The following PHACTR2 variants were observed in gnomAD, a reference collection of about 807,000 sequenced individuals.
PHACTR2 encodes the protein phosphatase and actin regulator 2, also known as chromosome 6 open reading frame 56.
A neutral mutation model predicts 76.0 loss-of-function variants in PHACTR2; 30 were observed. The ratio of observed to expected loss-of-function variants is 0.39; its 90% CI spans 0.30 to 0.54. PHACTR2 has a LOEUF of 0.54. PHACTR2 is among the 20% of genes least tolerant of loss of function. The pLI is 0.61. For synonymous variants in PHACTR2, 292 were observed against 292.5 expected, an observed-to-expected ratio of 1.00 and a Z score of 0.02; for missense variants, 696 against 781.1, an observed-to-expected ratio of 0.89 and a Z score of 1.30.
Position 143,678,539 on chromosome 6 carries a change from A to C in PHACTR2, c.46+330A>C, listed in dbSNP as rs1274212637. Among the ~76,000 whole-genome samples the C allele has an allele frequency of 6.6e-6, 1 of 152,218 alleles. No individual in the cohort carries two copies. Among genetic ancestry groups the C allele is most frequent in the Admixed American group, 6.5e-5 (1 of 15,292 alleles). On this transcript the variant is annotated intron_variant, in intron 1 of 12. Coordinates refer to ENST00000440869, the MANE Select transcript of PHACTR2 (RefSeq NM_001100164.2). This position sits in a 1 kb window ranked among gnomAD's most constrained non-coding sequence, Gnocchi z 6.2. ...GTGTTTTTAAAAACGCGAAACTTAG[A>C]GAGCAAGAGAAACATGCCAACAGGT...
chr6:143,706,904 G>A (rs1582793674), intron 1 of PHACTR2, among the ~76,000 whole-genome samples: 1 of 152,162 alleles, frequency 6.6e-6, no homozygotes. Flanking sequence ...CCAGTAGTGG[G>A]TAGCTTCTGT....
intron 1 of PHACTR2, among the ~76,000 whole-genome samples, chr6:143,694,618 T>C (rs1777728386): frequency 6.6e-6 from 1 of 152,212 alleles, no homozygotes; most frequent in African/African-American, 2.4e-5. Context: ...ATCCGCAGGG[T>C]GACATGTCTC....
chr6:143,610,373 G>A lies in PHACTR2; in HGVS notation c.13+2051G>A, dbSNP rs1775957007. Among the ~76,000 whole-genome samples, 1 of 152,096 alleles carries A rather than the reference G, an allele frequency of 6.6e-6. No homozygotes were observed. The highest frequency in any genetic ancestry group is 2.4e-5 in the African/African-American group (1 of 41,408). ...AAGAAGATAATGATGTTGAGTATTT[G>A]CCTAAATTTTTCTAATCAGAAATGA... On this transcript the variant is annotated intron_variant, in intron 1 of 11. Transcript: ENST00000305766. This position sits in a 1 kb window ranked among gnomAD's most constrained non-coding sequence, Gnocchi z 4.9.
intron 2 of PHACTR2, among the ~76,000 whole-genome samples, chr6:143,718,976 G>A (rs865927623): frequency 1.4e-5 from 2 of 147,134 alleles, no homozygotes; most frequent in South Asian, 4.3e-4. Context: ...TCTGCCTCCT[G>A]AGTTCAAGTG....
At chr6:143,747,280 A>T (rs1779086987) in intron 2 of PHACTR2, among the ~76,000 whole-genome samples, 1 of 152,186 alleles carries the variant, frequency 6.6e-6, no homozygotes, top group Non-Finnish European at 1.5e-5. Context: ...TATTATCAGA[A>T]AGGAAAAAAA....
chr6:143,582,753 C>G (rs1775590196), intron 1 of PHACTR2, among the ~76,000 whole-genome samples: 1 of 152,074 alleles, frequency 6.6e-6, no homozygotes, highest in African/African-American at 2.4e-5. Flanking sequence ...CTAAATGTGG[C>G]TGTATTTAGC....
chr6:143,568,325 T>A (rs1397125558), intron 1 of PHACTR2, among the ~76,000 whole-genome samples: 1 of 152,196 alleles, frequency 6.6e-6, no homozygotes, highest in Non-Finnish European at 1.5e-5. Context: ...GAATTAAGGT[T>A]ATAGGGCCCT....
rs781220437 is a variant in PHACTR2 at position 143,807,169 on chromosome 6, C to G, written c.1922+36C>G. The G allele has an allele frequency of 8.0e-7, 1 of 1,243,768 alleles. No homozygotes were observed. The allele number at this position is 1,243,768 out of a possible 1,614,324, so 77.0% of individuals were successfully genotyped here. A position where few individuals can be genotyped will look rare whatever the true frequency, so the allele number is the denominator to read the frequency against. ...AAATGCAGCTTAGAAATTGAAAATG[C>G]TTAAGATGTGATCCCATGTTGAGTT... On this transcript the variant is annotated intron_variant, in intron 12 of 12. Coordinates refer to ENST00000440869, the MANE Select transcript of PHACTR2 (RefSeq NM_001100164.2). This position sits in a 1 kb window ranked among gnomAD's most constrained non-coding sequence, Gnocchi z 5.5.
At chr6:143,732,900 A>G (rs933455857) in intron 2 of PHACTR2, among the ~76,000 whole-genome samples, 1 of 151,662 alleles carries the variant, frequency 6.6e-6, no homozygotes, top group Non-Finnish European at 1.5e-5. Flanking sequence ...TGATTTATTT[A>G]TTTATTTGAG....
chr6:143,685,150 C>G (rs1231316114), intron 1 of PHACTR2, among the ~76,000 whole-genome samples: 1 of 151,892 alleles, frequency 6.6e-6, no homozygotes, highest in Non-Finnish European at 1.5e-5. Flanking sequence ...CAGACTAGGG[C>G]TATTTCAAAA....
rs1775561205 is a variant in PHACTR2 at position 143,580,577 on chromosome 6, G to A, written c.217+43370G>A. On this transcript the variant is annotated intron_variant, in intron 1 of 11. Coordinates refer to the PHACTR2 transcript ENST00000367584. This position sits in a 1 kb window ranked among gnomAD's most constrained non-coding sequence, Gnocchi z 4.2. ...AATCCCAGCTACTTGGGAGGCTGAG[G>A]CAGGAGAATTGCTTGAACCCGGGAG... Among the ~76,000 whole-genome samples the A allele has an allele frequency of 6.6e-6, 1 of 152,176 alleles. No homozygotes were observed. Among genetic ancestry groups the A allele is most frequent in the South Asian group, 2.1e-4 (1 of 4,828 alleles).
In PHACTR2 at chr6:143,652,961, C is replaced by A. The variant is rs79914620; in HGVS notation, c.13+44639C>A. Reference sequence around the variant, plus strand: ...CACATTATTTCCAGCTGGATTGAGGCTGGAAGCTCCCTGGCAAGCAATAGA... The same window carrying A: ...CACATTATTTCCAGCTGGATTGAGGATGGAAGCTCCCTGGCAAGCAATAGA... On this transcript the variant is annotated intron_variant, in intron 1 of 11. Transcript: ENST00000305766. The surrounding 1 kb of genome is among the most constrained non-coding windows in gnomAD (Gnocchi z 4.5). Among the ~76,000 whole-genome samples the A allele has an allele frequency of 4.5e-3, 684 of 152,330 alleles. 5 individuals are homozygous for A. Among genetic ancestry groups the A allele is most frequent in the African/African-American group, 0.015 (626 of 41,576 alleles).
At chr6:143,815,613 C>A (rs1361563987) in intron 12 of PHACTR2, among the ~76,000 whole-genome samples, 3 of 152,060 alleles carry the variant, frequency 2.0e-5, no homozygotes, top group Admixed American at 2.0e-4. Flanking sequence ...ACAGGAAGGG[C>A]TGGGCGCAGT....
At chr6:143,748,452 G>A (rs891933978) in intron 2 of PHACTR2, among the ~76,000 whole-genome samples, 2 of 152,222 alleles carry the variant, frequency 1.3e-5, no homozygotes, top group Admixed American at 1.3e-4. Flanking sequence ...TAGAATTAGT[G>A]AGAACGCAGG....
intron 1 of PHACTR2, among the ~76,000 whole-genome samples, chr6:143,640,130 C>A (rs1776539209): frequency 6.6e-6 from 1 of 152,212 alleles, no homozygotes; most frequent in African/African-American, 2.4e-5. Flanking sequence ...CTGGTGTAAA[C>A]AAACCTACTG....
Position 143,678,059 on chromosome 6 carries a change from C to T in PHACTR2, c.-105C>T, listed in dbSNP as rs1777288377. The T allele has an allele frequency of 2.0e-6, 3 of 1,535,226 alleles. No individual in the cohort carries two copies. The highest frequency in any genetic ancestry group is 2.6e-6 in the Non-Finnish European group (3 of 1,139,756). On this transcript the variant is annotated 5_prime_UTR_variant, in exon 1 of 13. Transcript: ENST00000440869. The surrounding 1 kb of genome is among the most constrained non-coding windows in gnomAD (Gnocchi z 6.2). ...TGAGGGGACCCGGCGGGCCGCTCGGCACAGGCCGGGACATGAACGCCTGGA... is the reference window on the plus strand; with the variant it reads ...TGAGGGGACCCGGCGGGCCGCTCGGTACAGGCCGGGACATGAACGCCTGGA...
At chr6:143,704,823 A>G (rs2128459327) in intron 1 of PHACTR2, among the ~76,000 whole-genome samples, 1 of 151,982 alleles carries the variant, frequency 6.6e-6, no homozygotes, top group Middle Eastern at 3.4e-3. Context: ...TGACCTTGGC[A>G]GTTTTGTTTT....
rs927434535 is a variant in PHACTR2, at chr6:143,556,586, C to CA, written c.217+19385dup. ...CTAGCTCCTCTGCAGTGACAGCATTCAAAAAATCAATCTAAACGCAGCCCT... is the reference window on the plus strand; with the variant it reads ...CTAGCTCCTCTGCAGTGACAGCATTCAAAAAAATCAATCTAAACGCAGCCCT... On this transcript the variant is annotated intron_variant, in intron 1 of 11. Transcript: ENST00000367584. This position sits in a 1 kb window ranked among gnomAD's most constrained non-coding sequence, Gnocchi z 4.3. 5.9e-5 allele frequency among the ~76,000 whole-genome samples: 9 copies of CA among 152,146 alleles called. No homozygotes were observed. The highest frequency in any genetic ancestry group is 2.2e-4 in the African/African-American group (9 of 41,434).
At position 143,672,046 on chromosome 6, in the gene PHACTR2, G is replaced by T. The variant is rs533063088; in HGVS notation, c.14-39970G>T. ...AAGTATGGACATGGAAAGCAGGTTG[G>T]CAGTTCCCTAATGCCAAGGGTGGTA... On this transcript the variant is annotated intron_variant, in intron 1 of 11. Coordinates refer to the PHACTR2 transcript ENST00000305766. The surrounding 1 kb of genome is among the most constrained non-coding windows in gnomAD (Gnocchi z 5.8). Among the ~76,000 whole-genome samples the T allele has an allele frequency of 6.1e-4, 93 of 152,278 alleles. No homozygotes were observed. The highest frequency in any genetic ancestry group is 1.3e-3 in the Non-Finnish European group (87 of 68,016).
Sources: gnomAD v4.1 joint callset for allele counts (sites outside exome capture counted in the v4.1 genomes callset) on GRCh38, gnomAD v4.1.1 for gene constraint, Gnocchi (gnomAD v3.1) non-coding constraint, MANE v1.5 for transcripts, NCBI Gene and HGNC (gene_info 2026-07-23, HGNC 2026-07-21) for gene names.